Variants in CTNNBIP1 observed in about 807,000 individuals in gnomAD.
CTNNBIP1 encodes beta-catenin-interacting protein 1.
A neutral mutation model predicts 11.8 loss-of-function variants in CTNNBIP1; 7 were observed. That is an observed-to-expected ratio of 0.60 (90% confidence interval 0.34 to 1.12). The LOEUF is 1.12. CTNNBIP1 is among the 50% of genes most tolerant of loss of function. The probability of loss-of-function intolerance (pLI) is 0.03; values close to 1 mark genes in which losing one functional copy is unlikely to be tolerated. For missense variants in CTNNBIP1, 101 were observed against 113.4 expected, an observed-to-expected ratio of 0.89 and a Z score of 0.50; for synonymous variants, 58 against 43.9, an observed-to-expected ratio of 1.32 and a Z score of -1.26.
chr1:9,873,389 GAGA>G (rs1168446906), intron 3 of CTNNBIP1, among the ~76,000 whole-genome samples: 3 of 152,122 alleles, frequency 2.0e-5, no homozygotes, highest in Non-Finnish European at 4.4e-5. Flanking sequence ...GGTCTCTGAT[GAGA>G]AGGACCCCCA....
intron 1 of CTNNBIP1, among the ~76,000 whole-genome samples, chr1:9,897,236 C>T (rs866372019): frequency 4.0e-5 from 6 of 151,732 alleles, no homozygotes; most frequent in Admixed American, 1.3e-4. Context: ...GGGCGGATCA[C>T]GAGGTCAGGA....
intron 1 of CTNNBIP1, among the ~76,000 whole-genome samples, chr1:9,896,061 G>A (rs2101535246): frequency 6.6e-6 from 1 of 152,274 alleles, no homozygotes; most frequent in South Asian, 2.1e-4. Context: ...GATCTCAGTT[G>A]TATTTGGTTC....
chr1:9,881,541 G>A (rs1048949615), intron 2 of CTNNBIP1, among the ~76,000 whole-genome samples: 1 of 151,786 alleles, frequency 6.6e-6, no homozygotes, highest in African/African-American at 2.4e-5. Flanking sequence ...ATTTCACCAT[G>A]TTGGCCAGGC....
At chr1:9,854,368 C>CAAA (rs373565421) in intron 5 of CTNNBIP1, among the ~76,000 whole-genome samples, 4 of 83,802 alleles carry the variant, frequency 4.8e-5, no homozygotes, top group South Asian at 3.5e-4. Flanking sequence ...AACTCCATCT[C>CAAA]AAAAAAAAAA....
At chr1:9,878,725 A>T (rs905848125) in intron 2 of CTNNBIP1, among the ~76,000 whole-genome samples, 20 of 152,218 alleles carry the variant, frequency 1.3e-4, no homozygotes, top group Admixed American at 1.3e-3. Flanking sequence ...CAGGAGAAGC[A>T]GGAGGCTGTG....
rs144455810 is a variant in CTNNBIP1, at chr1:9,894,716, T to A, written c.-143-10978A>T. Among the ~76,000 whole-genome samples the A allele has an allele frequency of 1.3e-3, 198 of 151,582 alleles. 1 individual carries two copies. Among genetic ancestry groups the A allele is most frequent in the African/African-American group, 4.5e-3 (187 of 41,296 alleles). ...CTAATTTTTATAGTTTTTGTAGAAA[T>A]GGCGTTTCACCATGTTGCCCAGGCT... On this transcript the variant is annotated intron_variant, in intron 1 of 5. Coordinates refer to ENST00000377263, the MANE Select transcript of CTNNBIP1 (RefSeq NM_020248.3).
At chr1:9,903,339 C>G (rs1639558073) in intron 1 of CTNNBIP1, among the ~76,000 whole-genome samples, 1 of 152,130 alleles carries the variant, frequency 6.6e-6, no homozygotes, top group Non-Finnish European at 1.5e-5. Flanking sequence ...TGTTATGATG[C>G]ACAGAACACA....
chr1:9,869,915 C>T (rs1458796730), intron 5 of CTNNBIP1, among the ~76,000 whole-genome samples: 1 of 152,222 alleles, frequency 6.6e-6, no homozygotes, highest in African/African-American at 2.4e-5. Context: ...GGGCGGGAGC[C>T]GACGCCACAT....
chr1:9,884,348 G>C (rs937800601), intron 1 of CTNNBIP1, among the ~76,000 whole-genome samples: 7 of 152,116 alleles, frequency 4.6e-5, no homozygotes, highest in African/African-American at 1.4e-4. Context: ...GGGAGGAAGA[G>C]AGCACCATTG....
chr1:9,909,212 C>G (rs1355027936), intron 1 of CTNNBIP1, among the ~76,000 whole-genome samples: 1 of 152,240 alleles, frequency 6.6e-6, no homozygotes, highest in Non-Finnish European at 1.5e-5. Context: ...ATTTACCCAG[C>G]AGTTGGCCAG....
At chr1:9,905,163 A>C (rs1639592606) in intron 1 of CTNNBIP1, among the ~76,000 whole-genome samples, 1 of 152,160 alleles carries the variant, frequency 6.6e-6, no homozygotes, top group Non-Finnish European at 1.5e-5. Context: ...GTGACTTCCC[A>C]CTGTTCAGAA....
intron 1 of CTNNBIP1, among the ~76,000 whole-genome samples, chr1:9,885,829 G>C (rs1162244037): frequency 6.6e-6 from 1 of 151,942 alleles, no homozygotes; most frequent in Non-Finnish European, 1.5e-5. Flanking sequence ...GTACTTGGGA[G>C]GCTGAGGCAG....
At position 9,872,014 on chromosome 1, in the gene CTNNBIP1, C is replaced by A. The variant is rs1257745822; in HGVS notation, c.51G>T (p.Gln17His). ...PGKSPEEMYI[Q>H]QKVRVLLMLR... ...GCATGAGCAGCACTCGGACCTTCTG[C>A]TGAATGTACATCTCCTCCGGACTCT... The change falls in exon 4 of 6, where the codon CAG becomes CAT. Residue 17 changes from glutamine (Q) to histidine (H), a missense_variant. By Grantham distance (24) the Gln-to-His change is conservative. Transcript: ENST00000377263. This position sits in a 1 kb window ranked among gnomAD's most constrained non-coding sequence, Gnocchi z 4.0. The A allele has an allele frequency of 1.2e-6, 2 of 1,614,222 alleles. No individual in the cohort carries two copies. The highest frequency in any genetic ancestry group is 2.2e-5 in the East Asian group (1 of 44,886).
chr1:9,864,417 C>T (rs1006174621), intron 5 of CTNNBIP1, among the ~76,000 whole-genome samples: 9 of 152,244 alleles, frequency 5.9e-5, no homozygotes, highest in Admixed American at 2.0e-4. Flanking sequence ...CAAGCTCCGC[C>T]TCCCGGGTTC....
At chr1:9,896,745 A>C (rs955192739) in intron 1 of CTNNBIP1, among the ~76,000 whole-genome samples, 1 of 151,682 alleles carries the variant, frequency 6.6e-6, no homozygotes, top group East Asian at 1.9e-4. Context: ...AAGGTGGGCG[A>C]ATCATGAGGT....
At chr1:9,874,697 GC>G (rs1638929661) in intron 3 of CTNNBIP1, among the ~76,000 whole-genome samples, 1 of 152,162 alleles carries the variant, frequency 6.6e-6, no homozygotes, top group African/African-American at 2.4e-5. Context: ...AATAAATACT[GC>G]CCGCTTGGCT....
intron 1 of CTNNBIP1, among the ~76,000 whole-genome samples, chr1:9,890,315 C>T (rs956263816): frequency 1.3e-5 from 2 of 152,190 alleles, no homozygotes; most frequent in African/African-American, 2.4e-5. Context: ...TGGGCTATGT[C>T]TTCAGGCTCT....
intron 1 of CTNNBIP1, among the ~76,000 whole-genome samples, chr1:9,905,230 C>T (rs1289697767): frequency 2.0e-5 from 3 of 152,162 alleles, no homozygotes; most frequent in Admixed American, 1.3e-4. Context: ...CCTGCTGATT[C>T]ATCACTAACC....
intron 1 of CTNNBIP1, among the ~76,000 whole-genome samples, chr1:9,896,352 A>G (rs1639407073): frequency 6.6e-6 from 1 of 152,228 alleles, no homozygotes; most frequent in Non-Finnish European, 1.5e-5. Flanking sequence ...GAGTGAATGT[A>G]TTAGACGAAA....
Sources: allele counts gnomAD v4.1 joint callset (sites outside exome capture counted in the v4.1 genomes callset), GRCh38; gene constraint gnomAD v4.1.1; non-coding constraint Gnocchi (gnomAD v3.1); transcripts MANE v1.5; gene names NCBI Gene and HGNC (gene_info 2026-07-23, HGNC 2026-07-21).